CSNK1G1: variants seen among roughly 807,000 people sequenced by gnomAD.
CSNK1G1 encodes casein kinase 1 gamma 1.
In CSNK1G1, 22 loss-of-function variants were observed where a neutral mutation model predicts 59.6. That is an observed-to-expected ratio of 0.37 (90% CI 0.26 to 0.53). The LOEUF (loss-of-function observed/expected upper bound fraction) is 0.53. Among genes scored for constraint, CSNK1G1 ranks in the 20% least tolerant of loss-of-function variants. The pLI, the probability that CSNK1G1 is intolerant of heterozygous loss-of-function variation, is 0.89. For missense variants in CSNK1G1, 384 were observed against 519.5 expected, an observed-to-expected ratio of 0.74 and a Z score of 2.54; for synonymous variants, 179 against 177.1, an observed-to-expected ratio of 1.01 and a Z score of -0.08.
chr15:64,301,992 T>TA (rs1895371084), intron 1 of CSNK1G1, among the ~76,000 whole-genome samples: 1 of 152,206 alleles, frequency 6.6e-6, no homozygotes, highest in African/African-American at 2.4e-5. Flanking sequence ...ACCTATACTC[T>TA]AAACTTCCTG....
chr15:64,316,535 CAAAAAAAAAAAA>C (rs66620488), intron 1 of CSNK1G1, among the ~76,000 whole-genome samples: 3 of 94,106 alleles, frequency 3.2e-5, no homozygotes, highest in Non-Finnish European at 6.5e-5. Context: ...GACTCTGTCT[CAAAAAAAAAAAA>C]AAAAAAAAAG....
intron 4 of CSNK1G1, among the ~76,000 whole-genome samples, chr15:64,237,627 G>T (rs780119357): frequency 2.0e-4 from 30 of 152,070 alleles, no homozygotes; most frequent in African/African-American, 6.8e-4. Flanking sequence ...TCTGTTTCCT[G>T]TGTTGCTCAG....
At chr15:64,202,984 T>G in intron 10 of CSNK1G1, 98 bp downstream of exon 10, 3 of 866,230 alleles carry the variant, frequency 3.5e-6, no homozygotes, top group Non-Finnish European at 5.7e-6. Flanking sequence ...ATCTTTATTT[T>G]CAGTACATAC....
In CSNK1G1 at chr15:64,167,928, C is replaced by T. The variant is rs554382398; in HGVS notation, c.*4003G>A. The T allele has an allele frequency of 4.6e-5, 7 of 152,366 alleles. No homozygotes were observed. In the South Asian group the frequency reaches 1.5e-3, roughly 32 times the overall value. 9.4% of individuals were successfully genotyped at this position (152,366 alleles called of 1,614,324 possible). A position where few individuals can be genotyped will look rare whatever the true frequency, so the allele number is the denominator to read the frequency against. On this transcript the variant is annotated 3_prime_UTR_variant, in exon 12 of 12. Coordinates refer to ENST00000303052, the MANE Select transcript of CSNK1G1 (RefSeq NM_022048.5). ...TTAAGGCTATAATCTTTAGTAACCA[C>T]TTTGACGTTACATTATCATTGTTAC...
At chr15:64,190,828 T>A (rs1198926767) in intron 10 of CSNK1G1, among the ~76,000 whole-genome samples, 3 of 152,230 alleles carry the variant, frequency 2.0e-5, no homozygotes, top group Non-Finnish European at 2.9e-5. Context: ...GTAATATCTA[T>A]AACTAAACCT....
intron 1 of CSNK1G1, among the ~76,000 whole-genome samples, chr15:64,305,161 T>A (rs533122624): frequency 6.6e-6 from 1 of 152,292 alleles, no homozygotes; most frequent in South Asian, 2.1e-4. Context: ...TGTACCAACA[T>A]CTGTCATTCC....
At position 64,303,638 on chromosome 15, in the gene CSNK1G1, G is replaced by A. The variant is rs553862781; in HGVS notation, c.-224-2915C>T. Among the ~76,000 whole-genome samples, 3 of 152,018 alleles carry A rather than the reference G, an allele frequency of 2.0e-5. No individual in the cohort carries two copies. The South Asian group carries it at 6.2e-4, about 32-fold the overall frequency. On this transcript the variant is annotated intron_variant, in intron 1 of 11. Coordinates refer to ENST00000303052, the MANE Select transcript of CSNK1G1 (RefSeq NM_022048.5). ...GTGGTTGTGCATGCCTGTAATCCCA[G>A]CTACTTGGGAGGCTGAGGCAGGAGA...
In CSNK1G1 at chr15:64,175,701, AAAC is replaced by A. The variant is rs1038568761; in HGVS notation, c.1215-3719_1215-3717del. Among the ~76,000 whole-genome samples the A allele has an allele frequency of 3.9e-5, 6 of 152,302 alleles. No homozygotes were observed. The East Asian group carries it at 5.8e-4, about 15-fold the overall frequency. On this transcript the variant is annotated intron_variant, in intron 11 of 11. Coordinates refer to ENST00000303052, the MANE Select transcript of CSNK1G1 (RefSeq NM_022048.5). ...ATAAACAAAAACAAAACAACTCTCA[AAAC>A]AACAACAACAAAACATCCACCTCTC... is the stretch of plus-strand genomic sequence containing the variant.
chr15:64,176,875 T>C lies in CSNK1G1; in HGVS notation c.1214+3473A>G, dbSNP rs866593384. Among the ~76,000 whole-genome samples the C allele has an allele frequency of 3.3e-5, 5 of 152,212 alleles. No homozygotes were observed. Among genetic ancestry groups the C allele is most frequent in the Non-Finnish European group, 4.4e-5 (3 of 68,040 alleles). On this transcript the variant is annotated intron_variant, in intron 11 of 11. Coordinates refer to ENST00000303052, the MANE Select transcript of CSNK1G1 (RefSeq NM_022048.5). This position sits in a 1 kb window ranked among gnomAD's most constrained non-coding sequence, Gnocchi z 5.2. Reference sequence around the variant, plus strand: ...CAGAGGAAGGAGGGTCACTGCTCTGTATTAAGGTATAACTACCAGAGAAGG... The same window carrying C: ...CAGAGGAAGGAGGGTCACTGCTCTGCATTAAGGTATAACTACCAGAGAAGG...
chr15:64,202,329 C>T (rs184288098), intron 10 of CSNK1G1, among the ~76,000 whole-genome samples: 1 of 152,238 alleles, frequency 6.6e-6, no homozygotes, highest in East Asian at 1.9e-4. Context: ...GAGCTCTAGA[C>T]CAGACTACAG....
At position 64,309,353 on chromosome 15, in the gene CSNK1G1, A is replaced by C. The variant is rs1399652; in HGVS notation, c.-224-8630T>G. ...ACACACACACACACACACACACACA[A>C]ATAAATGAGTTCTCAATCTTGGTTT... On this transcript the variant is annotated intron_variant, in intron 1 of 11. Transcript: ENST00000303052. Among the ~76,000 whole-genome samples, 269 of 130,690 alleles carry C rather than the reference A, an allele frequency of 2.1e-3. 2 individuals are homozygous for C. The highest frequency in any genetic ancestry group is 0.017 in the East Asian group (78 of 4,722). 85.7% of individuals were successfully genotyped at this position (130,690 alleles called of 152,430 possible).
Position 64,299,317 on chromosome 15 carries a change from G to A in CSNK1G1, c.181+1002C>T, listed in dbSNP as rs559797593. On this transcript the variant is annotated intron_variant, in intron 2 of 11. Coordinates refer to ENST00000303052, the MANE Select transcript of CSNK1G1 (RefSeq NM_022048.5). ...AAAAAGTATATAAATGGCCGGGCGC[G>A]GTGGCTCACGCCTGTAATCCCAGCA... 5.9e-5 allele frequency among the ~76,000 whole-genome samples: 9 copies of A among 151,836 alleles called. No homozygotes were observed. The East Asian group carries it at 9.8e-4, about 16-fold the overall frequency.
Position 64,333,433 on chromosome 15 carries a change from C to CAAAAAA in CSNK1G1, c.-225+22549_-225+22554dup, listed in dbSNP as rs59451869. ...TGGGCAACACAGTGAGACACCATCTCAAAAAAAAAAAAAAAAAAAAAAAAA... is the reference window on the plus strand; with the variant it reads ...TGGGCAACACAGTGAGACACCATCTCAAAAAAAAAAAAAAAAAAAAAAAAAAAAAAA... On this transcript the variant is annotated intron_variant, in intron 1 of 11. Transcript: ENST00000303052. 8.3e-3 allele frequency among the ~76,000 whole-genome samples: 191 copies of CAAAAAA among 23,086 alleles called. 83 individuals are homozygous for CAAAAAA. The highest frequency in any genetic ancestry group is 0.016 in the South Asian group (4 of 246). 15.1% of individuals were successfully genotyped at this position (23,086 alleles called of 152,430 possible).
chr15:64,214,063 T>C lies in CSNK1G1; in HGVS notation c.506A>G (p.Asn169Ser). 6.2e-7 allele frequency: 1 copy of C among 1,614,146 alleles called. No individual in the cohort carries two copies. The highest frequency in any genetic ancestry group is 8.5e-7 in the Non-Finnish European group (1 of 1,180,014). ...ATTGCCTTGTCGACCAATCAGGAAGTTCTCTGGCTTGACATCTCGGTAAAT... is the reference window on the plus strand; with the variant it reads ...ATTGCCTTGTCGACCAATCAGGAAGCTCTCTGGCTTGACATCTCGGTAAAT... Reference protein sequence around the residue: ...NLIYRDVKPENFLIGRQGNKK... With the variant: ...NLIYRDVKPESFLIGRQGNKK... The change falls in exon 6 of 12, where the codon AAC (asparagine) becomes AGC (serine). Residue 169 changes from asparagine to serine, a missense_variant. Coordinates refer to ENST00000303052, the MANE Select transcript of CSNK1G1 (RefSeq NM_022048.5). The surrounding 1 kb of genome is among the most constrained non-coding windows in gnomAD (Gnocchi z 4.3).
chr15:64,306,341 C>A (rs746948238), intron 1 of CSNK1G1, among the ~76,000 whole-genome samples: 2 of 152,118 alleles, frequency 1.3e-5, no homozygotes, highest in African/African-American at 4.8e-5. Context: ...TTGAATCAGA[C>A]GTCTCTTCAA....
At chr15:64,287,657 G>A (rs1596224235) in intron 2 of CSNK1G1, among the ~76,000 whole-genome samples, 1 of 152,148 alleles carries the variant, frequency 6.6e-6, no homozygotes, top group Non-Finnish European at 1.5e-5. Flanking sequence ...GAATTCTACT[G>A]TTTAGCATCA....
At chr15:64,340,557 T>C (rs1225405654) in intron 1 of CSNK1G1, among the ~76,000 whole-genome samples, 1 of 152,198 alleles carries the variant, frequency 6.6e-6, no homozygotes, top group Non-Finnish European at 1.5e-5. Flanking sequence ...TGCAGGTGGC[T>C]TTCCCAGAAT....
chr15:64,326,940 C>T (rs1423121210), intron 1 of CSNK1G1, among the ~76,000 whole-genome samples: 326 of 150,342 alleles, frequency 2.2e-3, no homozygotes, highest in African/African-American at 7.8e-3. Context: ...CGGGTCACTC[C>T]CACCCGAATA....
intron 3 of CSNK1G1, among the ~76,000 whole-genome samples, chr15:64,256,223 T>C (rs543544775): frequency 1.4e-4 from 22 of 152,368 alleles, no homozygotes; most frequent in African/African-American, 5.0e-4. Flanking sequence ...GGGACTATTC[T>C]TTCCAGAGAA....
Sources: gnomAD v4.1 joint callset for allele counts (sites outside exome capture counted in the v4.1 genomes callset) on GRCh38, gnomAD v4.1.1 for gene constraint, Gnocchi (gnomAD v3.1) non-coding constraint, MANE v1.5 for transcripts, NCBI Gene and HGNC (gene_info 2026-07-23, HGNC 2026-07-21) for gene names.